Variants in HGD observed in about 807,000 individuals in gnomAD.
HGD encodes homogentisate oxidase.
Under a neutral mutation model 60.8 loss-of-function variants are expected in HGD, and 61 were observed. That is an observed-to-expected ratio of 1.00 (90% CI 0.82 to 1.24). HGD has a LOEUF of 1.24. Among genes scored for constraint, HGD ranks in the 50% most tolerant of loss-of-function variants. The pLI is 0.00. For synonymous variants in HGD, 212 were observed against 187.7 expected, an observed-to-expected ratio of 1.13 and a Z score of -1.06; for missense variants, 542 against 547.1, an observed-to-expected ratio of 0.99 and a Z score of 0.09.
At chr3:120,645,191 G>A (rs750937430) in intron 9 of HGD, among the ~76,000 whole-genome samples, 11 of 152,144 alleles carry the variant, frequency 7.2e-5, no homozygotes, top group African/African-American at 1.2e-4. Flanking sequence ...CATGTTCCAC[G>A]GAACCTGGAG....
At chr3:120,652,681 T>A (rs760613795) in intron 4 of HGD, 30 bp from the exon 5 acceptor site, 15 of 1,520,450 alleles carry the variant, frequency 9.9e-6, no homozygotes, top group Non-Finnish European at 1.4e-5. Flanking sequence ...ACAGAAAAAT[T>A]ACTTCACAAG....
chr3:120,671,959 G>A (rs1708033613), intron 3 of HGD, among the ~76,000 whole-genome samples: 2 of 151,768 alleles, frequency 1.3e-5, no homozygotes, highest in Non-Finnish European at 1.5e-5. Context: ...GACACAGTGA[G>A]GGGAATAACA....
intron 2 of HGD, 48 bp from the exon 3 acceptor site, chr3:120,675,037 T>A (rs372761204): frequency 3.0e-4 from 376 of 1,267,756 alleles, no homozygotes; most frequent in Non-Finnish European, 4.2e-4. Flanking sequence ...CCGAAAAGCA[T>A]CCCACCTTCC....
intron 10 of HGD, among the ~76,000 whole-genome samples, chr3:120,643,573 G>GT (rs1367629691): frequency 3.3e-5 from 5 of 152,192 alleles, no homozygotes; most frequent in Non-Finnish European, 5.9e-5. Flanking sequence ...GCCTCGGCTG[G>GT]TTGGCATTAT....
chr3:120,654,416 G>A (rs994192124), intron 4 of HGD, among the ~76,000 whole-genome samples: 3 of 152,152 alleles, frequency 2.0e-5, no homozygotes, highest in African/African-American at 7.2e-5. Context: ...CTTCTAATGT[G>A]CAGCTAGGGT....
At position 120,675,878 on chromosome 3, in the gene HGD, G is replaced by A. The variant is rs1708120750; in HGVS notation, c.16-15C>T. The A allele has an allele frequency of 1.9e-6, 3 of 1,599,388 alleles. No individual in the cohort carries two copies. Among genetic ancestry groups the A allele is most frequent in the African/African-American group, 1.3e-5 (1 of 74,656 alleles). On this transcript the variant is annotated splice_polypyrimidine_tract_variant and intron_variant, in intron 1 of 13. Coordinates refer to ENST00000283871, the MANE Select transcript of HGD (RefSeq NM_000187.4). ...CCAGAAATGTACTGTAGGTGACAAA[G>A]ACACAAATGCCACCATTAGCAGGAT...
At chr3:120,675,046 C>T (rs1223911404) in intron 2 of HGD, 57 bp from the exon 3 acceptor site, 10 of 1,188,528 alleles carry the variant, frequency 8.4e-6, no homozygotes, top group Non-Finnish European at 1.3e-5. Flanking sequence ...ATCCCACCTT[C>T]CCACCAACCA....
chr3:120,679,603 C>A (rs1708196469), intron 1 of HGD, among the ~76,000 whole-genome samples: 2 of 152,010 alleles, frequency 1.3e-5, no homozygotes, highest in Admixed American at 1.3e-4. Flanking sequence ...TGGGTGTATC[C>A]TAAATGTAAT....
At chr3:120,653,268 T>A (rs1156969874) in intron 4 of HGD, among the ~76,000 whole-genome samples, 1 of 152,226 alleles carries the variant, frequency 6.6e-6, no homozygotes, top group African/African-American at 2.4e-5. Flanking sequence ...TTTAATTTAA[T>A]AATGAAATGA....
intron 12 of HGD, 124 bp from the exon 13 acceptor site, chr3:120,633,452 T>C: frequency 1.3e-6 from 2 of 1,575,892 alleles, no homozygotes; most frequent in Non-Finnish European, 1.7e-6. Context: ...TTGTATAGGA[T>C]TAATAAAGAA....
In HGD at chr3:120,661,656, C is replaced by A. The variant is rs141474432; in HGVS notation, c.282+8771G>T. On this transcript the variant is annotated intron_variant, in intron 4 of 13. Coordinates refer to ENST00000283871, the MANE Select transcript of HGD (RefSeq NM_000187.4). ...AAATAAGAGATATAAGCAATGAAATCATCTGGTTTGCAGACAGCGCCAATA... is the reference window on the plus strand; with the variant it reads ...AAATAAGAGATATAAGCAATGAAATAATCTGGTTTGCAGACAGCGCCAATA... Among the ~76,000 whole-genome samples the A allele has an allele frequency of 6.6e-3, 1,007 of 152,294 alleles. 16 individuals are homozygous for A. The highest frequency in any genetic ancestry group is 0.023 in the African/African-American group (966 of 41,552).
chr3:120,646,997 C>T lies in HGD; in HGVS notation c.525G>A (p.Gln175=), dbSNP rs536732498. ...IYTEFGKMLV[Q]PNEICVIQRG... is the part of the protein sequence containing the mutation. The stretch of plus-strand genomic sequence containing the variant: ...CCTGAATGACGCAGATCTCATTGGG[C>T]TGTACAAGCATCTTGCCAAACTCGG... Residue 175 remains glutamine (Q), a synonymous_variant, in exon 8 of 14, where the codon CAG becomes CAA. Coordinates refer to ENST00000283871, the MANE Select transcript of HGD (RefSeq NM_000187.4). 6.2e-6 allele frequency: 10 copies of T among 1,614,016 alleles called. No individual in the cohort carries two copies. The South Asian group carries it at 1.1e-4, about 18-fold the overall frequency.
At chr3:120,632,338 A>G (rs904320983) in intron 13 of HGD, among the ~76,000 whole-genome samples, 2 of 152,164 alleles carry the variant, frequency 1.3e-5, no homozygotes, top group African/African-American at 4.8e-5. Context: ...GCAAATTTGC[A>G]TGTGATTTAG....
chr3:120,652,529 G>T, intron 5 of HGD, 63 bp downstream of exon 5: 3 of 1,256,388 alleles, frequency 2.4e-6, no homozygotes, highest in East Asian at 2.3e-5. Context: ...GCTGCAAATG[G>T]TTGGCTCACT....
At chr3:120,673,029 T>C (rs979015389) in intron 3 of HGD, among the ~76,000 whole-genome samples, 11 of 152,260 alleles carry the variant, frequency 7.2e-5, no homozygotes, top group African/African-American at 2.6e-4. Flanking sequence ...ATGCTATGGT[T>C]CAGATGAGTA....
chr3:120,664,010 G>A (rs566424717), intron 4 of HGD, among the ~76,000 whole-genome samples: 4 of 151,894 alleles, frequency 2.6e-5, no homozygotes, highest in South Asian at 4.1e-4. Flanking sequence ...TGATCTCTGC[G>A]GAAAATTCAG....
At chr3:120,647,667 C>G (rs1941207297) in intron 7 of HGD, among the ~76,000 whole-genome samples, 1 of 152,002 alleles carries the variant, frequency 6.6e-6, no homozygotes, top group South Asian at 2.1e-4. Context: ...TGGGCAAAGA[C>G]AGAGAGACAA....
At chr3:120,644,619 T>C in intron 9 of HGD, 176 bp from the exon 10 acceptor site, 1 of 1,531,454 alleles carries the variant, frequency 6.5e-7, no homozygotes, top group Non-Finnish European at 8.7e-7. Context: ...ACCCAAGGAA[T>C]CTGGTCAGAA....
At position 120,658,948 on chromosome 3, in the gene HGD, TG is replaced by T. The variant is rs1341122574; in HGVS notation, c.283-6298del. Among the ~76,000 whole-genome samples, 7 of 152,350 alleles carry T rather than the reference TG, an allele frequency of 4.6e-5. 1 individual carries two copies. The South Asian group carries it at 1.4e-3, about 32-fold the overall frequency. Reference sequence around the variant, plus strand: ...GATGCAGAAAACAGTGTCCTGAGGCTGTGCAGGGTAGCAAGGCCCTGGGCCT... The same window carrying T: ...GATGCAGAAAACAGTGTCCTGAGGCTTGCAGGGTAGCAAGGCCCTGGGCCT... On this transcript the variant is annotated intron_variant, in intron 4 of 13. Coordinates refer to ENST00000283871, the MANE Select transcript of HGD (RefSeq NM_000187.4).
Sources: allele counts gnomAD v4.1 joint callset (sites outside exome capture counted in the v4.1 genomes callset), GRCh38; gene constraint gnomAD v4.1.1; transcripts MANE v1.5; gene names NCBI Gene and HGNC (gene_info 2026-07-23, HGNC 2026-07-21).